DLGAP1: variants seen among roughly 807,000 people sequenced by gnomAD.
DLGAP1 encodes the protein DLG associated protein 1.
Under a neutral mutation model 90.8 loss-of-function variants are expected in DLGAP1, and 11 were observed. The observed-to-expected ratio is 0.12, with a 90% CI of 0.08 to 0.20. DLGAP1 has a LOEUF of 0.20. Among genes scored for constraint, DLGAP1 ranks in the 10% least tolerant of loss-of-function variants. The pLI, the probability that DLGAP1 is intolerant of heterozygous loss-of-function variation, is 1.00. For missense variants in DLGAP1, 1,050 were observed against 1,333.8 expected (o/e 0.79, Z 3.31); for synonymous variants, 558 against 540.7 (o/e 1.03, Z -0.44).
intron 2 of DLGAP1, among the ~76,000 whole-genome samples, chr18:4,081,023 G>T (rs1355909268): frequency 6.6e-6 from 1 of 151,784 alleles, no homozygotes; most frequent in African/African-American, 2.4e-5. Flanking sequence ...CGAGTAGCTG[G>T]GATTACAGGC....
At chr18:4,138,436 T>C (rs2076442286) in intron 2 of DLGAP1, among the ~76,000 whole-genome samples, 1 of 152,038 alleles carries the variant, frequency 6.6e-6, no homozygotes, top group Non-Finnish European at 1.5e-5. Context: ...ATATTTCTAT[T>C]GATATGTTGA....
At chr18:4,007,990 T>C (rs889808693) in intron 2 of DLGAP1, among the ~76,000 whole-genome samples, 3 of 152,162 alleles carry the variant, frequency 2.0e-5, no homozygotes, top group African/African-American at 7.2e-5. Context: ...ATATGACTAT[T>C]CATTTGCTTA....
In DLGAP1 at chr18:4,438,204, C is replaced by A. The variant is rs183028258; in HGVS notation, c.-267+16802G>T. On this transcript the variant is annotated intron_variant, in intron 1 of 12. Coordinates refer to ENST00000315677, the MANE Select transcript of DLGAP1 (RefSeq NM_004746.4). ...AAATTTTGCTTACATACTGGTCCTT[C>A]CATGACCCAGGATCAAACATGGTGC... Among the ~76,000 whole-genome samples the A allele has an allele frequency of 2.2e-4, 34 of 152,172 alleles. 1 individual carries two copies. In the South Asian group the frequency reaches 2.5e-3, roughly 11 times the overall value.
At chr18:4,210,149 G>A (rs928413458) in intron 1 of DLGAP1, among the ~76,000 whole-genome samples, 3 of 152,100 alleles carry the variant, frequency 2.0e-5, no homozygotes, top group African/African-American at 7.2e-5. Context: ...CTCATGAATT[G>A]TAATTTTAAA....
At chr18:4,243,734 G>A (rs985086184) in intron 1 of DLGAP1, among the ~76,000 whole-genome samples, 1 of 152,128 alleles carries the variant, frequency 6.6e-6, no homozygotes, top group Non-Finnish European at 1.5e-5. Context: ...CATCAGAAAT[G>A]TTTACTAATT....
intron 5 of DLGAP1, among the ~76,000 whole-genome samples, chr18:3,804,000 AT>A: frequency 6.3e-5 from 6 of 95,600 alleles, no homozygotes; most frequent in East Asian, 3.4e-4. Flanking sequence ...ATATATATAT[AT>A]ATAATTTTTT....
chr18:4,047,401 T>C (rs1228097855), intron 2 of DLGAP1, among the ~76,000 whole-genome samples: 1 of 152,238 alleles, frequency 6.6e-6, no homozygotes, highest in East Asian at 1.9e-4. Flanking sequence ...TAACCAAAAA[T>C]TGTATTGCGC....
intron 3 of DLGAP1, among the ~76,000 whole-genome samples, chr18:3,931,225 G>C (rs1467296729): frequency 6.6e-6 from 1 of 152,146 alleles, no homozygotes; most frequent in Non-Finnish European, 1.5e-5. Context: ...GCTTGGAGAG[G>C]TAAGACTTGA....
intron 1 of DLGAP1, among the ~76,000 whole-genome samples, chr18:4,418,459 A>C (rs192621673): frequency 2.6e-5 from 4 of 152,308 alleles, no homozygotes; most frequent in Admixed American, 1.3e-4. Flanking sequence ...TTTAACTGAA[A>C]AGAAGGATAT....
intron 3 of DLGAP1, among the ~76,000 whole-genome samples, chr18:3,953,569 CT>C (rs74584424): frequency 0.46 from 69,710 of 151,878 alleles, 16,444 homozygotes; most frequent in East Asian, 0.51. Flanking sequence ...ACTACATTTT[CT>C]TTATCCAATA....
intron 3 of DLGAP1, among the ~76,000 whole-genome samples, chr18:3,937,615 T>C (rs1335427106): frequency 6.6e-6 from 1 of 152,230 alleles, no homozygotes; most frequent in East Asian, 1.9e-4. Context: ...TTCACCTCTC[T>C]GAGATGCAGT....
At chr18:4,112,526 A>G (rs1271446571) in intron 2 of DLGAP1, among the ~76,000 whole-genome samples, 1 of 152,072 alleles carries the variant, frequency 6.6e-6, no homozygotes, top group Non-Finnish European at 1.5e-5. Context: ...AACATTTATT[A>G]TTGTTGAATT....
At chr18:4,421,770 G>A (rs1469847707) in intron 1 of DLGAP1, among the ~76,000 whole-genome samples, 24 of 152,004 alleles carry the variant, frequency 1.6e-4, no homozygotes, top group Non-Finnish European at 2.5e-4. Context: ...GTGCAGTAGC[G>A]GGATCTTGGC....
intron 4 of DLGAP1, among the ~76,000 whole-genome samples, chr18:3,877,920 T>C (rs902729125): frequency 6.6e-6 from 1 of 152,192 alleles, no homozygotes; most frequent in Non-Finnish European, 1.5e-5. Context: ...AAACTGTCCA[T>C]GTGCTGGTGG....
At chr18:3,830,617 C>T (rs1417455178) in intron 4 of DLGAP1, among the ~76,000 whole-genome samples, 1 of 152,170 alleles carries the variant, frequency 6.6e-6, no homozygotes, top group East Asian at 1.9e-4. Context: ...TATTTAAGCC[C>T]TTTGTATTCT....
chr18:3,973,593 A>T (rs1343214225), intron 3 of DLGAP1, among the ~76,000 whole-genome samples: 1 of 152,138 alleles, frequency 6.6e-6, no homozygotes, highest in Non-Finnish European at 1.5e-5. Context: ...AAGGATTCTA[A>T]CTCGACTACA....
chr18:4,023,211 C>T (rs1661935907), intron 2 of DLGAP1, among the ~76,000 whole-genome samples: 1 of 152,206 alleles, frequency 6.6e-6, no homozygotes. Flanking sequence ...TTAGGTTTCT[C>T]TTGCTGTGAA....
chr18:4,119,139 T>C (rs1471170613), intron 2 of DLGAP1, among the ~76,000 whole-genome samples: 1 of 152,192 alleles, frequency 6.6e-6, no homozygotes, highest in Non-Finnish European at 1.5e-5. Context: ...TGGTCCAGGC[T>C]AGAGTGCAGT....
intron 1 of DLGAP1, among the ~76,000 whole-genome samples, chr18:4,169,737 C>T (rs760211311): frequency 1.6e-4 from 24 of 152,204 alleles, no homozygotes; most frequent in Non-Finnish European, 2.6e-4. Flanking sequence ...TTATGCCACA[C>T]GTGCATGGGC....
Sources: allele counts gnomAD v4.1 joint callset (sites outside exome capture counted in the v4.1 genomes callset), GRCh38; gene constraint gnomAD v4.1.1; transcripts MANE v1.5; gene names NCBI Gene and HGNC (gene_info 2026-07-23, HGNC 2026-07-21).